AIG1: variants seen among roughly 807,000 people sequenced by gnomAD.
AIG1 encodes androgen induced 1, also known as androgen-induced gene 1 protein.
A neutral mutation model predicts 31.4 loss-of-function variants in AIG1; 23 were observed. The observed-to-expected ratio is 0.73, with a 90% CI of 0.53 to 1.04. The LOEUF is 1.04. Ranked by LOEUF, AIG1 falls within the 50% of genes least tolerant of loss-of-function variation. The pLI, the probability that AIG1 is intolerant of heterozygous loss-of-function variation, is 0.00. For missense variants in AIG1, 274 were observed against 295.0 expected (o/e 0.93, Z 0.52); for synonymous variants, 100 against 110.5 (o/e 0.90, Z 0.60).
intron 1 of AIG1, among the ~76,000 whole-genome samples, chr6:143,106,326 C>T (rs1033166710): frequency 3.9e-5 from 6 of 152,040 alleles, no homozygotes; most frequent in East Asian, 1.9e-4. Flanking sequence ...CCCATCCTGC[C>T]GACATCTTGA....
At chr6:143,195,443 A>G (rs976525883) in intron 3 of AIG1, among the ~76,000 whole-genome samples, 1 of 152,216 alleles carries the variant, frequency 6.6e-6, no homozygotes, top group Non-Finnish European at 1.5e-5. Context: ...AACGTGACTC[A>G]GTGTTATCCT....
rs35498304 is a variant in AIG1 at position 143,331,846 on chromosome 6, T to TTTATTATTATTA, written c.516-1406_516-1395dup. Among the ~76,000 whole-genome samples, 134 of 137,622 alleles carry TTTATTATTATTA rather than the reference T, an allele frequency of 9.7e-4. 2 individuals carry two copies. Among genetic ancestry groups the TTTATTATTATTA allele is most frequent in the East Asian group, 2.6e-3 (12 of 4,606 alleles). The allele number at this position is 137,622 out of a possible 152,430, so 90.3% of individuals were successfully genotyped here. On this transcript the variant is annotated intron_variant, in intron 4 of 5. Coordinates refer to ENST00000357847, the MANE Select transcript of AIG1 (RefSeq NM_016108.4). This position sits in a 1 kb window ranked among gnomAD's most constrained non-coding sequence, Gnocchi z 4.1. ...AAATGAGGTACATGTGTAGGTAATG[T>TTTATTATTATTA]TTATTATTATTATTATTATTATTAT... is the stretch of plus-strand genomic sequence containing the variant.
At chr6:143,140,417 C>T (rs972350677) in intron 2 of AIG1, among the ~76,000 whole-genome samples, 16 of 152,144 alleles carry the variant, frequency 1.1e-4, no homozygotes, top group Non-Finnish European at 2.2e-4. Flanking sequence ...TTCCAAGGTG[C>T]TCTGTCTTCA....
chr6:143,210,327 T>G, intron 3 of AIG1, among the ~76,000 whole-genome samples: 1 of 152,220 alleles, frequency 6.6e-6, no homozygotes, highest in East Asian at 1.9e-4. Flanking sequence ...AGCATGAGAA[T>G]GGACTAATAC....
chr6:143,123,690 G>A (rs376590532), intron 1 of AIG1, among the ~76,000 whole-genome samples: 1 of 152,048 alleles, frequency 6.6e-6, no homozygotes, highest in African/African-American at 2.4e-5. Context: ...GGTTGAGTCT[G>A]TACATATTTG....
chr6:143,275,081 G>T (rs1796803783), intron 3 of AIG1, among the ~76,000 whole-genome samples: 1 of 152,162 alleles, frequency 6.6e-6, no homozygotes, highest in African/African-American at 2.4e-5. Flanking sequence ...AGTTAGACTA[G>T]CTTTCTTTTT....
chr6:143,144,486 G>A (rs541522941), intron 2 of AIG1, among the ~76,000 whole-genome samples: 31 of 151,994 alleles, frequency 2.0e-4, no homozygotes, highest in Admixed American at 7.2e-4. Context: ...AAGAGAGAGG[G>A]GTTAATTTAA....
rs557599290 is a variant in AIG1, at chr6:143,258,015, G to A, written c.400-26095G>A. Among the ~76,000 whole-genome samples, 3 of 152,270 alleles carry A rather than the reference G, an allele frequency of 2.0e-5. No individual in the cohort carries two copies. The highest frequency in any genetic ancestry group is 4.2e-4 in the South Asian group (2 of 4,818). On this transcript the variant is annotated intron_variant, in intron 3 of 5. Transcript: ENST00000357847. This position sits in a 1 kb window ranked among gnomAD's most constrained non-coding sequence, Gnocchi z 4.7. ...TTTCAAAAGTTAAAGAGGAGGAAGG[G>A]AAAGGAACAGAAACTAATAACTACT... is the stretch of plus-strand genomic sequence containing the variant.
Position 143,333,223 on chromosome 6 carries a change from C to A in AIG1, c.516-59C>A. The A allele has an allele frequency of 6.7e-7, 1 of 1,496,592 alleles. No individual in the cohort carries two copies. The allele number at this position is 1,496,592 out of a possible 1,614,324, so 92.7% of individuals were successfully genotyped here. ...GGAGTGTATATTTGCATCATAGCAG[C>A]TTTGATGCCTGCCATAAGAGTGACT... On this transcript the variant is annotated intron_variant, in intron 4 of 5. Coordinates refer to ENST00000357847, the MANE Select transcript of AIG1 (RefSeq NM_016108.4). The surrounding 1 kb of genome is among the most constrained non-coding windows in gnomAD (Gnocchi z 4.6).
chr6:143,183,750 A>G (rs562212636), intron 3 of AIG1, among the ~76,000 whole-genome samples: 85 of 152,272 alleles, frequency 5.6e-4, no homozygotes, highest in Non-Finnish European at 1.0e-3. Context: ...TAATCCTTAA[A>G]TCCATAGATA....
chr6:143,121,341 A>G (rs1325972008), intron 1 of AIG1, among the ~76,000 whole-genome samples: 1 of 152,208 alleles, frequency 6.6e-6, no homozygotes, highest in Non-Finnish European at 1.5e-5. Flanking sequence ...ACCAGTTTGA[A>G]TCATCATCTC....
At chr6:143,096,480 A>G (rs1381240463) in intron 1 of AIG1, among the ~76,000 whole-genome samples, 1 of 152,244 alleles carries the variant, frequency 6.6e-6, no homozygotes, top group East Asian at 1.9e-4. Flanking sequence ...ATTTAGGCCT[A>G]TCTAGCATGA....
At chr6:143,237,759 G>A (rs971963463) in intron 3 of AIG1, among the ~76,000 whole-genome samples, 2 of 152,082 alleles carry the variant, frequency 1.3e-5, no homozygotes, top group African/African-American at 4.8e-5. Context: ...AGAGAAGCAG[G>A]AAAAAGAAAT....
intron 3 of AIG1, among the ~76,000 whole-genome samples, chr6:143,243,311 G>T (rs1163013108): frequency 6.6e-6 from 1 of 152,160 alleles, no homozygotes; most frequent in Non-Finnish European, 1.5e-5. Flanking sequence ...GACAATAAAA[G>T]ATAAATAATT....
At chr6:143,117,646 G>T (rs1034322701) in intron 1 of AIG1, among the ~76,000 whole-genome samples, 1 of 152,236 alleles carries the variant, frequency 6.6e-6, no homozygotes, top group Non-Finnish European at 1.5e-5. Flanking sequence ...TCAAGGGAGA[G>T]GTCCTGGCTG....
In AIG1 at chr6:143,149,491, C is replaced by G. The variant is rs192176647; in HGVS notation, c.297+12501C>G. On this transcript the variant is annotated intron_variant, in intron 2 of 5. Coordinates refer to ENST00000357847, the MANE Select transcript of AIG1 (RefSeq NM_016108.4). ...GCAGTGAGCCGAGATCGCGCCACTG[C>G]ACTCGCACTCTAGGCTGGGAGAGAG... Among the ~76,000 whole-genome samples, 136 of 137,804 alleles carry G rather than the reference C, an allele frequency of 9.9e-4. 2 individuals are homozygous for G. The highest frequency in any genetic ancestry group is 3.6e-3 in the African/African-American group (130 of 35,648). The allele number at this position is 137,804 out of a possible 152,430, so 90.4% of individuals were successfully genotyped here.
At chr6:143,342,521 C>G (rs1777877954), downstream of AIG1, 13 of 810,452 alleles carry the variant, frequency 1.6e-5, no homozygotes, top group South Asian at 1.7e-4. Context: ...ATCTTTCTCC[C>G]TATCCTATAA....
rs369986542 is a variant in AIG1, at chr6:143,268,140, A to G, written c.400-15970A>G. 6.6e-6 allele frequency among the ~76,000 whole-genome samples: 1 copy of G among 152,314 alleles called. No individual in the cohort carries two copies. The highest frequency in any genetic ancestry group is 2.1e-4 in the South Asian group (1 of 4,822). On this transcript the variant is annotated intron_variant, in intron 3 of 5. Transcript: ENST00000357847. This position sits in a 1 kb window ranked among gnomAD's most constrained non-coding sequence, Gnocchi z 5.0. ...ATGACTTGATATATAAAGTTTGGGA[A>G]ATAAAGCCATTTAAAATATTGGTCT...
intron 4 of AIG1, among the ~76,000 whole-genome samples, chr6:143,296,932 C>T (rs1046844305): frequency 1.3e-5 from 2 of 152,194 alleles, no homozygotes; most frequent in African/African-American, 4.8e-5. Context: ...CTCTCTCAAA[C>T]AAGCACTTAT....
Sources: allele counts gnomAD v4.1 joint callset (sites outside exome capture counted in the v4.1 genomes callset), GRCh38; gene constraint gnomAD v4.1.1; non-coding constraint Gnocchi (gnomAD v3.1); transcripts MANE v1.5; gene names NCBI Gene and HGNC (gene_info 2026-07-23, HGNC 2026-07-21).